CAMKMT: variants seen among roughly 807,000 people sequenced by gnomAD.
The protein encoded by CAMKMT is CaM KMT.
CAMKMT carries 53 observed loss-of-function variants against 48.0 expected under a neutral mutation model. The ratio of observed to expected loss-of-function variants is 1.10; its 90% CI spans 0.89 to 1.39. The LOEUF (loss-of-function observed/expected upper bound fraction) is 1.39, where lower values mean the gene tolerates loss of function less well. Ranked by LOEUF, CAMKMT falls within the 40% of genes most tolerant of loss-of-function variation. CAMKMT has a pLI of 0.00. For missense variants in CAMKMT, 428 were observed against 402.7 expected (o/e 1.06, Z -0.54); for synonymous variants, 165 against 152.3 (o/e 1.08, Z -0.61).
rs1448469567 is a variant in CAMKMT, at chr2:44,362,130, G to C, written c.123G>C (p.Trp41Cys). Residue 41 changes from tryptophan (W) to cysteine (C), a missense_variant, in exon 1 of 11, where the codon TGG becomes TGC. By Grantham distance (215) the Trp-to-Cys change is radical. Transcript: ENST00000378494. ...CGGCGCCCCTGGGAGCCGCCCGGTG[G>C]AAGCTCCTGCGGCAGGTAAGGGAGA... ...VVSAPLGAARWKLLRQVLKQK... is the reference protein window; with the variant it reads ...VVSAPLGAARCKLLRQVLKQK... 13 of 1,478,156 alleles carry C rather than the reference G, an allele frequency of 8.8e-6. No homozygotes were observed. Among genetic ancestry groups the C allele is most frequent in the Non-Finnish European group, 1.2e-5 (13 of 1,125,648 alleles). 91.6% of individuals were successfully genotyped at this position (1,478,156 alleles called of 1,614,324 possible).
At chr2:44,541,476 A>G (rs1406070338) in intron 3 of CAMKMT, among the ~76,000 whole-genome samples, 3 of 152,126 alleles carry the variant, frequency 2.0e-5, no homozygotes, top group Admixed American at 6.5e-5. Flanking sequence ...TTTTCCGGTT[A>G]TTATGTATGT....
chr2:44,583,147 C>T (rs1669655468), intron 3 of CAMKMT, among the ~76,000 whole-genome samples: 1 of 152,076 alleles, frequency 6.6e-6, no homozygotes, highest in Admixed American at 6.6e-5. Flanking sequence ...CACTACTATG[C>T]TTTGTGTATA....
intron 10 of CAMKMT, among the ~76,000 whole-genome samples, chr2:44,767,209 C>G (rs1680879472): frequency 6.6e-6 from 1 of 152,164 alleles, no homozygotes; most frequent in South Asian, 2.1e-4. Flanking sequence ...TCACTGAAAA[C>G]TTTTTAGGAT....
At chr2:44,561,859 T>C (rs959042667) in intron 3 of CAMKMT, among the ~76,000 whole-genome samples, 2 of 152,142 alleles carry the variant, frequency 1.3e-5, no homozygotes, top group Non-Finnish European at 2.9e-5. Flanking sequence ...GTAAGAGTCT[T>C]TGAGGACATG....
chr2:44,520,656 A>G (rs978211630), intron 3 of CAMKMT, among the ~76,000 whole-genome samples: 1 of 152,164 alleles, frequency 6.6e-6, no homozygotes, highest in African/African-American at 2.4e-5. Flanking sequence ...TATTAGTTGT[A>G]TTATCCTGAA....
At chr2:44,462,977 A>G (rs1048497662) in intron 3 of CAMKMT, among the ~76,000 whole-genome samples, 2 of 152,194 alleles carry the variant, frequency 1.3e-5, no homozygotes, top group African/African-American at 4.8e-5. Flanking sequence ...TTAAATCTAG[A>G]GGCTTGAGCC....
In CAMKMT at chr2:44,362,030, C is replaced by A. The variant is rs1677899865; in HGVS notation, c.23C>A (p.Ala8Asp). 2 of 1,420,220 alleles carry A rather than the reference C, an allele frequency of 1.4e-6. No homozygotes were observed. Among genetic ancestry groups the A allele is most frequent in the Non-Finnish European group, 9.2e-7 (1 of 1,092,748 alleles). The allele number at this position is 1,420,220 out of a possible 1,614,324, so 88.0% of individuals were successfully genotyped here. MESRVADAGTGETARAAG... is the reference protein window; with the variant it reads MESRVADDGTGETARAAG... ...GAGATGGAGTCGCGAGTCGCGGACG[C>A]TGGGACCGGCGAGACCGCGCGAGCA... The change falls in exon 1 of 11, where the codon GCT becomes GAT. Residue 8 changes from alanine to aspartate, a missense_variant. By Grantham distance (126) the Ala-to-Asp change is moderately radical. Coordinates refer to ENST00000378494, the MANE Select transcript of CAMKMT (RefSeq NM_024766.5).
intron 3 of CAMKMT, among the ~76,000 whole-genome samples, chr2:44,438,154 A>C (rs1032184655): frequency 6.6e-6 from 1 of 152,186 alleles, no homozygotes; most frequent in Non-Finnish European, 1.5e-5. Context: ...TCACTCAGCT[A>C]GTAAAATGGG....
chr2:44,772,053 G>C lies in CAMKMT; in HGVS notation c.912G>C (p.Pro304=), dbSNP rs200454460. The change falls in exon 11 of 11, where the codon CCG becomes CCC. Residue 304 remains proline, a synonymous_variant. Transcript: ENST00000378494. Reference sequence around the variant, plus strand: ...GTTTTCAGTTGAAAAAGGAAAACCCGGACATATATGAAGAAAACCTTCATT... The same window carrying C: ...GTTTTCAGTTGAAAAAGGAAAACCCCGACATATATGAAGAAAACCTTCATT... ...NFHSKLKKEN[P]DIYEENLHYP... 6.2e-7 allele frequency: 1 copy of C among 1,613,260 alleles called. No individual in the cohort carries two copies. The highest frequency in any genetic ancestry group is 1.1e-5 in the South Asian group (1 of 90,986).
At chr2:44,466,036 A>C (rs1158363872) in intron 3 of CAMKMT, among the ~76,000 whole-genome samples, 2 of 152,218 alleles carry the variant, frequency 1.3e-5, no homozygotes, top group Non-Finnish European at 2.9e-5. Flanking sequence ...TATATAAAGC[A>C]AACACTAGCA....
intron 3 of CAMKMT, among the ~76,000 whole-genome samples, chr2:44,654,183 G>A (rs1355560332): frequency 1.3e-5 from 2 of 152,054 alleles, no homozygotes; most frequent in African/African-American, 4.8e-5. Context: ...AAATTTCCAA[G>A]GTAAATCTCA....
chr2:44,370,581 C>G (rs914605256), intron 1 of CAMKMT, among the ~76,000 whole-genome samples: 6 of 152,016 alleles, frequency 3.9e-5, no homozygotes, highest in African/African-American at 1.4e-4. Flanking sequence ...TTTTATCAAT[C>G]TTTTCAAAGA....
At chr2:44,726,316 G>C (rs910749525) in intron 7 of CAMKMT, among the ~76,000 whole-genome samples, 1 of 152,126 alleles carries the variant, frequency 6.6e-6, no homozygotes, top group African/African-American at 2.4e-5. Flanking sequence ...TTTAAGAATA[G>C]CCATTCTGAC....
chr2:44,549,639 T>C (rs992359585), intron 3 of CAMKMT: 4 of 618,758 alleles, frequency 6.5e-6, no homozygotes, highest in African/African-American at 1.9e-5. Context: ...ACTGCTCATA[T>C]ATTTAAGAAA....
chr2:44,497,083 T>TA (rs935157192), intron 3 of CAMKMT, among the ~76,000 whole-genome samples: 1 of 152,188 alleles, frequency 6.6e-6, no homozygotes, highest in African/African-American at 2.4e-5. Context: ...ATTCTTTTGT[T>TA]AAAAATGTGA....
chr2:44,681,720 A>AGCCC (rs562770948), intron 3 of CAMKMT, among the ~76,000 whole-genome samples: 2 of 152,196 alleles, frequency 1.3e-5, no homozygotes, highest in African/African-American at 2.4e-5. Flanking sequence ...ATGTTTGCAG[A>AGCCC]GCCCTAAATG....
At chr2:44,730,778 TG>T (rs1203073093) in intron 7 of CAMKMT, among the ~76,000 whole-genome samples, 10 of 152,234 alleles carry the variant, frequency 6.6e-5, no homozygotes, top group African/African-American at 2.4e-4. Flanking sequence ...ACTTGAACAC[TG>T]TAAACACTGT....
intron 3 of CAMKMT, among the ~76,000 whole-genome samples, chr2:44,440,683 T>C (rs1374736832): frequency 6.6e-6 from 1 of 152,154 alleles, no homozygotes; most frequent in African/African-American, 2.4e-5. Context: ...TGGACAGGAA[T>C]GATATAGAGT....
chr2:44,585,722 T>C (rs1028833433), intron 3 of CAMKMT, among the ~76,000 whole-genome samples: 3 of 152,238 alleles, frequency 2.0e-5, no homozygotes, highest in Admixed American at 6.5e-5. Flanking sequence ...AGTAACATGC[T>C]ATGGTGATCC....
Sources: gnomAD v4.1 joint callset for allele counts (sites outside exome capture counted in the v4.1 genomes callset) on GRCh38, gnomAD v4.1.1 for gene constraint, MANE v1.5 for transcripts, NCBI Gene and HGNC (gene_info 2026-07-23, HGNC 2026-07-21) for gene names.